CCDC171: variants seen among roughly 807,000 people sequenced by gnomAD.
CCDC171 encodes the protein coiled-coil domain containing 171.
CCDC171 carries 177 observed loss-of-function variants against 168.2 expected under a neutral mutation model. The ratio of observed to expected loss-of-function variants is 1.05; its 90% CI spans 0.93 to 1.19. The LOEUF (loss-of-function observed/expected upper bound fraction) is 1.19. Among genes scored for constraint, CCDC171 ranks in the 50% most tolerant of loss-of-function variants. The pLI, the probability that CCDC171 is intolerant of heterozygous loss-of-function variation, is 0.00. For missense variants in CCDC171, 1,991 were observed against 1,539.0 expected (o/e 1.29, Z -4.91); for synonymous variants, 687 against 540.8 (o/e 1.27, Z -3.75).
intron 6 of CCDC171, among the ~76,000 whole-genome samples, chr9:15,621,641 G>A (rs1050658068): frequency 4.6e-5 from 7 of 152,188 alleles, no homozygotes; most frequent in South Asian, 2.1e-4. Context: ...AGATGCTGGC[G>A]AGGTTGTGGA....
intron 6 of CCDC171, among the ~76,000 whole-genome samples, chr9:15,602,411 C>A (rs1213173816): frequency 6.7e-6 from 1 of 149,520 alleles, no homozygotes; most frequent in Non-Finnish European, 1.5e-5. Context: ...CAGTGAAACC[C>A]CATCTTTAAT....
At chr9:15,596,137 T>TC (rs763341450) in intron 6 of CCDC171, among the ~76,000 whole-genome samples, 7 of 152,178 alleles carry the variant, frequency 4.6e-5, no homozygotes. Context: ...GTGTAGGAGC[T>TC]CTTTAGTTTA....
chr9:15,893,543 C>G (rs1312208735), intron 24 of CCDC171, among the ~76,000 whole-genome samples: 1 of 152,064 alleles, frequency 6.6e-6, no homozygotes, highest in South Asian at 2.1e-4. Context: ...TGACAAAGGT[C>G]TAATATCCAG....
At chr9:15,991,413 G>A (rs1832195214) in intron 3 of CCDC171, among the ~76,000 whole-genome samples, 1 of 148,492 alleles carries the variant, frequency 6.7e-6, no homozygotes, top group Admixed American at 6.6e-5. Context: ...CAGAATCTCT[G>A]GGACACATTC....
In CCDC171 at chr9:15,623,463, A is replaced by ACGCGCGCGCGCACG. The variant is rs144676393; in HGVS notation, c.822+50_822+51insCGCGCGCGCGCACG. 2.4e-5 allele frequency: 15 copies of ACGCGCGCGCGCACG among 633,910 alleles called. No individual in the cohort carries two copies. In the South Asian group the frequency reaches 2.9e-4, roughly 12 times the overall value. The allele number at this position is 633,910 out of a possible 1,614,324, so 39.3% of individuals were successfully genotyped here. On this transcript the variant is annotated intron_variant, in intron 7 of 25. Transcript: ENST00000380701. Reference sequence around the variant, plus strand: ...TATATATGCGTACAAACTTTCACATATGCGCGCGCGCGCACACACACACAC... The same window carrying ACGCGCGCGCGCACG: ...TATATATGCGTACAAACTTTCACATACGCGCGCGCGCACGTGCGCGCGCGCGCACACACACACAC...
intron 7 of CCDC171, among the ~76,000 whole-genome samples, chr9:15,641,816 C>T (rs1043434852): frequency 3.9e-5 from 6 of 152,116 alleles, no homozygotes; most frequent in African/African-American, 2.4e-5. Flanking sequence ...TAGGAAAGGA[C>T]ATGGCAGTCA....
chr9:15,992,114 G>A, intron 3 of CCDC171, among the ~76,000 whole-genome samples: 1 of 152,258 alleles, frequency 6.6e-6, no homozygotes, highest in South Asian at 2.1e-4. Context: ...AAGCCTGGCA[G>A]AGACACAACA....
intron 3 of CCDC171, among the ~76,000 whole-genome samples, chr9:16,011,097 G>A (rs3008720): frequency 0.89 from 136,006 of 152,220 alleles, 60,945 homozygotes; most frequent in Admixed American, 0.92. Flanking sequence ...CTCTTTAATG[G>A]CTCATGGAGA....
the CCDC171 span, among the ~76,000 whole-genome samples, chr9:16,074,423 C>T: frequency 3.3e-5 from 5 of 152,164 alleles, no homozygotes; most frequent in African/African-American, 1.2e-4. Context: ...TATCGTTCAA[C>T]TTCCATTATT....
chr9:15,693,416 C>G (rs891103230), intron 10 of CCDC171, among the ~76,000 whole-genome samples: 2 of 151,866 alleles, frequency 1.3e-5, no homozygotes, highest in African/African-American at 4.8e-5. Context: ...CTACTTAACA[C>G]TTATTTTAGA....
At position 16,059,670 on chromosome 9, in the gene CCDC171, G is replaced by A. The variant is rs1309229860; in HGVS notation, n.90-976G>A. On this transcript the variant is annotated intron_variant and non_coding_transcript_variant, in intron 1 of 1. Transcript: ENST00000478913. Reference sequence around the variant, plus strand: ...GCTGGGACTACAGGCGCCCGCCACCGCGCCCGGCTAATTTTTTGTATTTTT... The same window carrying A: ...GCTGGGACTACAGGCGCCCGCCACCACGCCCGGCTAATTTTTTGTATTTTT... 9.3e-5 allele frequency among the ~76,000 whole-genome samples: 14 copies of A among 149,928 alleles called. No individual in the cohort carries two copies. In the South Asian group the frequency reaches 1.1e-3, roughly 11 times the overall value.
intron 6 of CCDC171, among the ~76,000 whole-genome samples, chr9:15,600,937 AG>A (rs1349377915): frequency 2.6e-5 from 4 of 152,160 alleles, no homozygotes; most frequent in East Asian, 1.9e-4. Flanking sequence ...CTCCGAGCCA[AG>A]CGCGGGATAC....
intron 24 of CCDC171, among the ~76,000 whole-genome samples, chr9:15,913,815 A>T (rs184916469): frequency 1.3e-5 from 2 of 152,046 alleles, no homozygotes; most frequent in East Asian, 3.9e-4. Context: ...TGACCTTCGG[A>T]TGGAGTTTTT....
intron 10 of CCDC171, among the ~76,000 whole-genome samples, chr9:15,691,274 G>T (rs2050754107): frequency 6.6e-6 from 1 of 151,686 alleles, no homozygotes; most frequent in African/African-American, 2.4e-5. Flanking sequence ...AGCTAAAAAA[G>T]TTTCTGACGT....
chr9:15,982,290 A>G (rs965516824), intron 3 of CCDC171, among the ~76,000 whole-genome samples: 1 of 152,184 alleles, frequency 6.6e-6, no homozygotes, highest in African/African-American at 2.4e-5. Context: ...TGATGTGAGA[A>G]TTTAGAACCG....
intron 25 of CCDC171, among the ~76,000 whole-genome samples, chr9:15,952,886 A>G (rs1426466196): frequency 1.3e-5 from 2 of 152,134 alleles, no homozygotes; most frequent in Admixed American, 6.6e-5. Flanking sequence ...CATTATACAA[A>G]TGTTTCCACC....
chr9:15,989,596 A>C (rs574370750), intron 3 of CCDC171, among the ~76,000 whole-genome samples: 3 of 152,296 alleles, frequency 2.0e-5, no homozygotes, highest in African/African-American at 7.2e-5. Flanking sequence ...TGACGAGTTG[A>C]GAGAAGAAGG....
intron 2 of CCDC171, among the ~76,000 whole-genome samples, chr9:15,569,535 G>T (rs1432000517): frequency 1.3e-5 from 2 of 151,832 alleles, no homozygotes; most frequent in African/African-American, 4.8e-5. Context: ...CTATTTTTCG[G>T]CCGGGCGCGG....
intron 7 of CCDC171, 103 bp from the exon 8 acceptor site, chr9:15,657,024 A>G: frequency 3.9e-6 from 2 of 508,180 alleles, no homozygotes; most frequent in Non-Finnish European, 6.7e-6. Context: ...ATGAGGCTGC[A>G]AGTCCACTAA....
Sources: allele counts gnomAD v4.1 joint callset (sites outside exome capture counted in the v4.1 genomes callset), GRCh38; gene constraint gnomAD v4.1.1; transcripts MANE v1.5; gene names NCBI Gene and HGNC (gene_info 2026-07-23, HGNC 2026-07-21).